Variants in CTNNA2 observed in about 807,000 individuals in gnomAD.
CTNNA2 encodes the protein catenin alpha-2.
CTNNA2 carries 42 observed loss-of-function variants against 101.0 expected under a neutral mutation model. The observed-to-expected ratio is 0.42, with a 90% confidence interval of 0.32 to 0.54. The LOEUF (loss-of-function observed/expected upper bound fraction) is 0.54, where lower values mean the gene tolerates loss of function less well. Among genes scored for constraint, CTNNA2 ranks in the 20% least tolerant of loss-of-function variants. CTNNA2 has a pLI of 0.14. For missense variants in CTNNA2, 871 were observed against 1,223.1 expected (o/e 0.71, Z 4.29); for synonymous variants, 450 against 456.4 (o/e 0.99, Z 0.18).
intron 7 of CTNNA2, among the ~76,000 whole-genome samples, chr2:80,059,082 A>C (rs988478373): frequency 4.6e-5 from 7 of 152,222 alleles, no homozygotes; most frequent in African/African-American, 1.7e-4. Context: ...ATCTGCTGAG[A>C]ATCACAATGA....
intron 6 of CTNNA2, 72 bp from the exon 7 acceptor site, chr2:79,909,522 T>C: frequency 3.8e-6 from 5 of 1,303,290 alleles, no homozygotes; most frequent in Non-Finnish European, 5.3e-6. Context: ...ATATTTCTGG[T>C]TTCAAAACAG....
chr2:80,490,336 A>T (rs1018439086), intron 9 of CTNNA2, among the ~76,000 whole-genome samples: 1 of 125,028 alleles, frequency 8.0e-6, no homozygotes, highest in African/African-American at 3.1e-5. Context: ...TGGCCCATAC[A>T]GTTTCTGGTC....
chr2:79,334,624 T>C (rs1424903233), intron 3 of CTNNA2, among the ~76,000 whole-genome samples: 1 of 151,596 alleles, frequency 6.6e-6, no homozygotes, highest in African/African-American at 2.4e-5. Flanking sequence ...AAAAAAAGGA[T>C]GGAGGGAGGG....
intron 3 of CTNNA2, among the ~76,000 whole-genome samples, chr2:79,350,464 TTTA>T (rs1677362241): frequency 6.6e-6 from 1 of 152,098 alleles, no homozygotes; most frequent in Admixed American, 6.6e-5. Flanking sequence ...AAGTCATGAT[TTTA>T]TTCTTTTTTA....
chr2:79,750,542 T>G (rs537928276), intron 3 of CTNNA2, among the ~76,000 whole-genome samples: 24 of 152,292 alleles, frequency 1.6e-4, no homozygotes, highest in African/African-American at 5.5e-4. Context: ...TTATACAAGG[T>G]TTATGAGCTT....
intron 7 of CTNNA2, among the ~76,000 whole-genome samples, chr2:80,309,730 G>A (rs954257789): frequency 2.8e-5 from 4 of 141,010 alleles, no homozygotes. Flanking sequence ...AGTCTCGCAC[G>A]GTCACCCAGG....
chr2:79,982,610 A>G (rs1197724643), intron 7 of CTNNA2, among the ~76,000 whole-genome samples: 1 of 151,352 alleles, frequency 6.6e-6, no homozygotes, highest in Non-Finnish European at 1.5e-5. Flanking sequence ...TTTGCTTCCT[A>G]TTAGCATATC....
chr2:80,093,532 G>C (rs1424629186), intron 7 of CTNNA2, among the ~76,000 whole-genome samples: 1 of 152,122 alleles, frequency 6.6e-6, no homozygotes. Flanking sequence ...TAATGGGATG[G>C]CTGGGTCAAA....
intron 7 of CTNNA2, among the ~76,000 whole-genome samples, chr2:80,364,008 T>C (rs553906157): frequency 6.6e-5 from 10 of 152,284 alleles, no homozygotes; most frequent in Admixed American, 2.0e-4. Flanking sequence ...ATGTGGTTCC[T>C]AGCGTTTACT....
At chr2:79,961,777 G>A (rs566940769) in intron 7 of CTNNA2, among the ~76,000 whole-genome samples, 309 of 146,308 alleles carry the variant, frequency 2.1e-3, no homozygotes, top group African/African-American at 7.3e-3. Context: ...AGCCGAGATC[G>A]TGCCACTGCA....
chr2:80,588,967 A>G (rs1696207775), intron 14 of CTNNA2, among the ~76,000 whole-genome samples: 1 of 152,124 alleles, frequency 6.6e-6, no homozygotes, highest in Non-Finnish European at 1.5e-5. Context: ...ATCTGGTAAA[A>G]GTTTCCTGAG....
chr2:79,916,433 A>G (rs1013189005), intron 7 of CTNNA2, among the ~76,000 whole-genome samples: 13 of 149,552 alleles, frequency 8.7e-5, no homozygotes, highest in Non-Finnish European at 1.9e-4. Context: ...CCTCATCTCT[A>G]TTAATTTTGA....
intron 3 of CTNNA2, among the ~76,000 whole-genome samples, chr2:79,847,710 T>C (rs1017591989): frequency 6.6e-6 from 1 of 152,142 alleles, no homozygotes; most frequent in Non-Finnish European, 1.5e-5. Context: ...ATTTGGACAT[T>C]AAATCCATCC....
At chr2:79,608,015 T>C (rs1678012511) in intron 1 of CTNNA2, among the ~76,000 whole-genome samples, 1 of 151,616 alleles carries the variant, frequency 6.6e-6, no homozygotes, top group African/African-American at 2.4e-5. Context: ...TTAGTAAGTC[T>C]CTAGCCAGAC....
chr2:79,984,922 C>T (rs1315165954), intron 7 of CTNNA2, among the ~76,000 whole-genome samples: 1 of 152,202 alleles, frequency 6.6e-6, no homozygotes, highest in Non-Finnish European at 1.5e-5. Flanking sequence ...GGCCAAATTG[C>T]CTGTTTTTCT....
At chr2:79,331,008 A>G (rs1676858834) in intron 3 of CTNNA2, among the ~76,000 whole-genome samples, 1 of 152,190 alleles carries the variant, frequency 6.6e-6, no homozygotes, top group African/African-American at 2.4e-5. Context: ...ATTTGAACCT[A>G]TGGCTCACCC....
At chr2:80,271,116 A>G (rs1334178211) in intron 7 of CTNNA2, among the ~76,000 whole-genome samples, 1 of 152,254 alleles carries the variant, frequency 6.6e-6, no homozygotes, top group African/African-American at 2.4e-5. Context: ...GTGAAATGAC[A>G]GAAAGTTTCA....
At position 79,909,716 on chromosome 2, in the gene CTNNA2, C is replaced by G; in HGVS notation, c.975C>G (p.Asp325Glu). Residue 325 changes from aspartate to glutamate, a missense_variant, in exon 7 of 19, where the codon GAC becomes GAG. By Grantham distance (45) the Asp-to-Glu change is conservative. Transcript: ENST00000402739. ...TGGCCGACTCCTCCTGCACGCGAGA[C>G]GACCGGCGCGAGAGGATCGTGGCGG... ...ALMADSSCTR[D>E]DRRERIVAEC... is the part of the protein sequence containing the mutation. The G allele has an allele frequency of 1.9e-6, 3 of 1,613,902 alleles. No homozygotes were observed. Among genetic ancestry groups the G allele is most frequent in the Non-Finnish European group, 2.5e-6 (3 of 1,179,898 alleles).
chr2:80,406,656 CT>C (rs1320308831), intron 8 of CTNNA2, among the ~76,000 whole-genome samples: 1 of 151,816 alleles, frequency 6.6e-6, no homozygotes, highest in Admixed American at 6.6e-5. Context: ...GAAACCCTGT[CT>C]CTACTAAAAA....
Sources: allele counts gnomAD v4.1 joint callset (sites outside exome capture counted in the v4.1 genomes callset), GRCh38; gene constraint gnomAD v4.1.1; transcripts MANE v1.5; gene names NCBI Gene and HGNC (gene_info 2026-07-23, HGNC 2026-07-21).